The following KIAA1671 variants were observed in gnomAD, a reference collection of about 807,000 sequenced individuals.
KIAA1671 encodes uncharacterized protein KIAA1671.
Under a neutral mutation model 131.2 loss-of-function variants are expected in KIAA1671, and 52 were observed. The observed-to-expected ratio is 0.40, with a 90% confidence interval of 0.32 to 0.50. KIAA1671 has a LOEUF of 0.50. KIAA1671 is among the 20% of genes least tolerant of loss of function. The pLI is 0.73. For missense variants in KIAA1671, 2,360 were observed against 2,364.2 expected (o/e 1.00, Z 0.04); for synonymous variants, 1,003 against 961.6 (o/e 1.04, Z -0.80).
intron 6 of KIAA1671, chr22:25,058,084 T>G (rs1215663499): frequency 1.1e-4 from 17 of 152,204 alleles, no homozygotes; most frequent in African/African-American, 4.1e-4. Context: ...TTTCTTCTTC[T>G]GGAAATGGAA....
chr22:24,976,175 G>A (rs1427767777), intron 1 of KIAA1671, among the ~76,000 whole-genome samples: 1 of 152,228 alleles, frequency 6.6e-6, no homozygotes, highest in Non-Finnish European at 1.5e-5. Context: ...ATCCCCCTGG[G>A]AAGGATTGCT....
chr22:25,093,824 T>TTTCTCTCTCTC (rs1930240990), intron 6 of KIAA1671, among the ~76,000 whole-genome samples: 1 of 21,952 alleles, frequency 4.6e-5, no homozygotes, highest in African/African-American at 2.8e-4. Flanking sequence ...CTCTCTCTCT[T>TTTCTCTCTCTC]TCTCTCTCTG....
At chr22:25,076,806 A>G (rs1428776480) in intron 6 of KIAA1671, among the ~76,000 whole-genome samples, 2 of 152,162 alleles carry the variant, frequency 1.3e-5, no homozygotes, top group African/African-American at 4.8e-5. Context: ...CACCACTCCT[A>G]CTGAGTGCTC....
chr22:24,985,988 CGTGT>C (rs951238363), intron 1 of KIAA1671, among the ~76,000 whole-genome samples: 1 of 151,336 alleles, frequency 6.6e-6, no homozygotes. Flanking sequence ...GACTTGTGTG[CGTGT>C]GTGTGTTATG....
At chr22:25,097,522 C>T (rs994056133) in intron 6 of KIAA1671, among the ~76,000 whole-genome samples, 1 of 152,068 alleles carries the variant, frequency 6.6e-6, no homozygotes. Context: ...AGATGGATCA[C>T]GAGGTCAGGA....
intron 1 of KIAA1671, among the ~76,000 whole-genome samples, chr22:24,981,068 G>GTGTA (rs1923208381): frequency 6.6e-6 from 1 of 151,034 alleles, no homozygotes; most frequent in African/African-American, 2.4e-5. Context: ...TTTTCTGTGT[G>GTGTA]TGTGTGTGTG....
At position 25,041,327 on chromosome 22, in the gene KIAA1671, A is replaced by G; in HGVS notation, c.4197A>G (p.Gly1399=). Residue 1399 remains glycine (G), a synonymous_variant, in exon 5 of 13, where the codon GGA becomes GGG. Transcript: ENST00000358431. ...AQWGDHPRDC[G]RVPLDIKRAY... Reference sequence around the variant, plus strand: ...GGGGTGACCACCCACGTGACTGTGGACGGGTGCCGCTGGATATCAAGAGGG... The same window carrying G: ...GGGGTGACCACCCACGTGACTGTGGGCGGGTGCCGCTGGATATCAAGAGGG... The G allele has an allele frequency of 6.4e-7, 1 of 1,551,698 alleles. No individual in the cohort carries two copies. The highest frequency in any genetic ancestry group is 8.7e-7 in the Non-Finnish European group (1 of 1,146,990).
At chr22:25,055,469 T>A (rs1430934909) in intron 6 of KIAA1671, 1 of 149,876 alleles carries the variant, frequency 6.7e-6, no homozygotes, top group African/African-American at 2.4e-5. Context: ...ATGCCTGTCA[T>A]CCAGTGACTC....
chr22:25,176,089 C>T (rs1934016203), intron 8 of KIAA1671: 2 of 152,276 alleles, frequency 1.3e-5, no homozygotes, highest in South Asian at 4.1e-4. Flanking sequence ...GTGATTCTGT[C>T]CTGCTCTCTT....
chr22:24,987,726 G>A (rs1265372186), intron 1 of KIAA1671, among the ~76,000 whole-genome samples: 2 of 152,160 alleles, frequency 1.3e-5, no homozygotes, highest in African/African-American at 2.4e-5. Context: ...AGAGTAGCAG[G>A]GATTACAGGT....
intron 6 of KIAA1671, among the ~76,000 whole-genome samples, chr22:25,101,417 G>T (rs1005492511): frequency 5.3e-5 from 8 of 152,214 alleles, no homozygotes; most frequent in African/African-American, 1.9e-4. Flanking sequence ...TACTTGAGCT[G>T]AGGGTGGGGC....
chr22:25,180,675 C>G (rs768570447), intron 9 of KIAA1671, among the ~76,000 whole-genome samples: 4 of 152,176 alleles, frequency 2.6e-5, no homozygotes, highest in Non-Finnish European at 4.4e-5. Context: ...TTGCCCATAG[C>G]AAACATTAGG....
intron 2 of KIAA1671, among the ~76,000 whole-genome samples, chr22:25,027,208 A>G (rs1327732414): frequency 1.4e-5 from 2 of 145,114 alleles, no homozygotes; most frequent in Non-Finnish European, 3.0e-5. Flanking sequence ...AAAAATGAGA[A>G]TGGCTTCTTT....
At chr22:24,973,407 T>G (rs1247310919) in intron 1 of KIAA1671, among the ~76,000 whole-genome samples, 1 of 142,700 alleles carries the variant, frequency 7.0e-6, no homozygotes, top group African/African-American at 2.6e-5. Context: ...TTTTTTTTTT[T>G]TTTTTTTTTG....
chr22:25,089,758 C>A (rs982380766), intron 6 of KIAA1671, among the ~76,000 whole-genome samples: 1 of 152,218 alleles, frequency 6.6e-6, no homozygotes, highest in South Asian at 2.1e-4. Context: ...TCTAGACAGA[C>A]ATGTCGGTCA....
intron 6 of KIAA1671, among the ~76,000 whole-genome samples, chr22:25,105,102 C>A (rs1930926857): frequency 6.6e-6 from 1 of 151,982 alleles, no homozygotes; most frequent in Admixed American, 6.6e-5. Context: ...CAGCTCATTG[C>A]AACATACCTC....
chr22:24,971,051 G>A (rs1490479727), intron 1 of KIAA1671, among the ~76,000 whole-genome samples: 1 of 152,134 alleles, frequency 6.6e-6, no homozygotes, highest in African/African-American at 2.4e-5. Flanking sequence ...TCTGCCTCCC[G>A]GATTCAAGTG....
At chr22:25,089,484 G>A (rs1002737563) in intron 6 of KIAA1671, among the ~76,000 whole-genome samples, 2 of 151,898 alleles carry the variant, frequency 1.3e-5, no homozygotes, top group South Asian at 2.1e-4. Context: ...ATGTTGGTCA[G>A]GTTGGTTTCG....
intron 6 of KIAA1671, among the ~76,000 whole-genome samples, chr22:25,101,923 A>T (rs1262750183): frequency 2.0e-5 from 3 of 152,236 alleles, no homozygotes; most frequent in Non-Finnish European, 4.4e-5. Flanking sequence ...GGGGTTACAT[A>T]GGCAGAGTGG....
Sources: allele counts gnomAD v4.1 joint callset (sites outside exome capture counted in the v4.1 genomes callset), GRCh38; gene constraint gnomAD v4.1.1; transcripts MANE v1.5; gene names NCBI Gene and HGNC (gene_info 2026-07-23, HGNC 2026-07-21).